Variants in CACNA1C observed in about 807,000 individuals in gnomAD.
The protein encoded by CACNA1C is voltage-dependent L-type calcium channel subunit alpha-1C.
In CACNA1C, 30 loss-of-function variants were observed where a neutral mutation model predicts 229.0. The ratio of observed to expected loss-of-function variants is 0.13; its 90% CI spans 0.10 to 0.18. CACNA1C has a LOEUF of 0.18. Ranked by LOEUF, CACNA1C falls within the 10% of genes least tolerant of loss-of-function variation. CACNA1C has a pLI of 1.00. For missense variants in CACNA1C, 1,658 were observed against 2,845.0 expected (o/e 0.58, Z 9.49); for synonymous variants, 1,114 against 1,132.5 (o/e 0.98, Z 0.33).
intron 4 of CACNA1C, among the ~76,000 whole-genome samples, chr12:2,453,821 G>A (rs2099399551): frequency 6.6e-6 from 1 of 152,206 alleles, no homozygotes; most frequent in African/African-American, 2.4e-5. Flanking sequence ...CTGCCCAGCA[G>A]CAGGACAAGA....
intron 29 of CACNA1C, among the ~76,000 whole-genome samples, chr12:2,631,779 G>A (rs986466991): frequency 6.6e-6 from 1 of 152,186 alleles, no homozygotes; most frequent in Non-Finnish European, 1.5e-5. Flanking sequence ...TCCAGTCTCC[G>A]GGGTGGCGTT....
intron 3 of CACNA1C, among the ~76,000 whole-genome samples, chr12:2,406,245 T>C (rs1053555050): frequency 2.0e-5 from 3 of 152,246 alleles, no homozygotes; most frequent in Non-Finnish European, 4.4e-5. Flanking sequence ...TGGATTTCTT[T>C]GGGCTTATCC....
At chr12:2,112,662 G>A (rs980673038) in intron 1 of CACNA1C, among the ~76,000 whole-genome samples, 1 of 152,138 alleles carries the variant, frequency 6.6e-6, no homozygotes, top group African/African-American at 2.4e-5. Flanking sequence ...CGGGACAGGA[G>A]GCAGCTGACC....
At chr12:2,186,174 G>T (rs953627336) in intron 3 of CACNA1C, among the ~76,000 whole-genome samples, 1 of 152,176 alleles carries the variant, frequency 6.6e-6, no homozygotes, top group African/African-American at 2.4e-5. Context: ...CAATTAGCGT[G>T]GGATGGTTGC....
chr12:2,313,030 T>C (rs1411309424), intron 3 of CACNA1C, among the ~76,000 whole-genome samples: 1 of 152,188 alleles, frequency 6.6e-6, no homozygotes, highest in Admixed American at 6.5e-5. Context: ...GAATTCTATA[T>C]AGCAGAACTT....
chr12:2,458,139 C>G (rs2099454730), intron 5 of CACNA1C, among the ~76,000 whole-genome samples: 1 of 152,210 alleles, frequency 6.6e-6, no homozygotes, highest in Non-Finnish European at 1.5e-5. Context: ...AGTGGATGTT[C>G]TAAAAGTTCT....
At chr12:2,069,213 G>T (rs961471614) in intron 1 of CACNA1C, among the ~76,000 whole-genome samples, 1 of 152,188 alleles carries the variant, frequency 6.6e-6, no homozygotes, top group Non-Finnish European at 1.5e-5. Flanking sequence ...CCTCAGACTG[G>T]TACAGCTAGC....
In CACNA1C at chr12:2,136,259, C is replaced by T. The variant is rs550028214; in HGVS notation, c.477+15829C>T. Among the ~76,000 whole-genome samples, 45 of 151,486 alleles carry T rather than the reference C, an allele frequency of 3.0e-4. 1 individual carries two copies. Among genetic ancestry groups the T allele is most frequent in the Non-Finnish European group, 5.6e-4 (38 of 67,638 alleles). On this transcript the variant is annotated intron_variant, in intron 3 of 46. Coordinates refer to ENST00000399655, the MANE Select transcript of CACNA1C (RefSeq NM_000719.7). Reference sequence around the variant, plus strand: ...AAATGCAGAAATCACCCGTCTTCTGCGTCGGTCACGCTGAGAGCTGTAGAC... The same window carrying T: ...AAATGCAGAAATCACCCGTCTTCTGTGTCGGTCACGCTGAGAGCTGTAGAC...
chr12:2,633,164 G>A lies in CACNA1C; in HGVS notation c.3829-1133G>A, dbSNP rs1378401202. ...CATTCCCAGCTTCACCCATAGGACC[G>A]AGCCCGCTACCCTCTGAGGGGTCAC... On this transcript the variant is annotated intron_variant, in intron 29 of 46. Coordinates refer to ENST00000399655, the MANE Select transcript of CACNA1C (RefSeq NM_000719.7). This position sits in a 1 kb window ranked among gnomAD's most constrained non-coding sequence, Gnocchi z 5.8. Among the ~76,000 whole-genome samples, 1 of 152,128 alleles carries A rather than the reference G, an allele frequency of 6.6e-6. No homozygotes were observed. The highest frequency in any genetic ancestry group is 1.5e-5 in the Non-Finnish European group (1 of 68,032).
intron 1 of CACNA1C, among the ~76,000 whole-genome samples, chr12:2,046,140 A>G (rs962160074): frequency 6.6e-6 from 1 of 152,194 alleles, no homozygotes. Context: ...GAGAGAATAA[A>G]TTGCTGTTGT....
In CACNA1C at chr12:2,675,452, T is replaced by C. The variant is rs563205043; in HGVS notation, c.4828+810T>C. ...TCAGTATATTAAATAAGTGTGTGTA[T>C]AAATAGCCCCCCACACATAAACACA... On this transcript the variant is annotated intron_variant, in intron 39 of 46. Transcript: ENST00000399655. Among the ~76,000 whole-genome samples the C allele has an allele frequency of 1.2e-4, 18 of 152,280 alleles. No homozygotes were observed. The South Asian group carries it at 3.7e-3, about 32-fold the overall frequency.
At chr12:2,494,359 A>C (rs1385041248) in intron 7 of CACNA1C, among the ~76,000 whole-genome samples, 1 of 152,032 alleles carries the variant, frequency 6.6e-6, no homozygotes, top group Non-Finnish European at 1.5e-5. Context: ...ATTAGGAAAA[A>C]CTCCAGAAAA....
At chr12:2,142,802 A>G (rs905884402) in intron 3 of CACNA1C, among the ~76,000 whole-genome samples, 2 of 151,306 alleles carry the variant, frequency 1.3e-5, no homozygotes, top group Non-Finnish European at 3.0e-5. Context: ...AAAAAAGCTT[A>G]TAGAATATGG....
Position 2,231,221 on chromosome 12 carries a change from A to G in CACNA1C, c.477+110791A>G, listed in dbSNP as rs571047291. Among the ~76,000 whole-genome samples, 221 of 152,332 alleles carry G rather than the reference A, an allele frequency of 1.5e-3. 2 individuals are homozygous for G. The highest frequency in any genetic ancestry group is 2.2e-3 in the African/African-American group (90 of 41,584). On this transcript the variant is annotated intron_variant, in intron 3 of 46. Transcript: ENST00000399655. Reference sequence around the variant, plus strand: ...CTGGAGACTCATGAGGCCAGAGTCCATGTGCAATCCATTTTTATATTCACC... The same window carrying G: ...CTGGAGACTCATGAGGCCAGAGTCCGTGTGCAATCCATTTTTATATTCACC...
At chr12:2,179,391 C>G (rs909692612) in intron 3 of CACNA1C, among the ~76,000 whole-genome samples, 1 of 152,126 alleles carries the variant, frequency 6.6e-6, no homozygotes, top group African/African-American at 2.4e-5. Flanking sequence ...AGTAAGTTGT[C>G]TAATGAAAGG....
chr12:2,222,904 T>C (rs1263056224), intron 3 of CACNA1C, among the ~76,000 whole-genome samples: 1 of 152,130 alleles, frequency 6.6e-6, no homozygotes, highest in African/African-American at 2.4e-5. Flanking sequence ...TGCAAAGGAG[T>C]TGAGCAGAGG....
intron 3 of CACNA1C, among the ~76,000 whole-genome samples, chr12:2,247,308 T>G (rs1320121187): frequency 6.6e-6 from 1 of 152,214 alleles, no homozygotes; most frequent in Non-Finnish European, 1.5e-5. Flanking sequence ...CTGCACCCTC[T>G]CTGCCCTGTC....
At chr12:2,480,166 C>T (rs536489084) in intron 5 of CACNA1C, among the ~76,000 whole-genome samples, 1 of 152,176 alleles carries the variant, frequency 6.6e-6, no homozygotes. Context: ...CCAGGGATTT[C>T]TTTGAGAGAC....
chr12:2,265,912 G>A (rs1256409046), intron 3 of CACNA1C, among the ~76,000 whole-genome samples: 3 of 152,212 alleles, frequency 2.0e-5, no homozygotes, highest in Admixed American at 6.5e-5. Flanking sequence ...AAAGGATCCT[G>A]TGTTATTTAT....
Sources: allele counts gnomAD v4.1 joint callset (sites outside exome capture counted in the v4.1 genomes callset), GRCh38; gene constraint gnomAD v4.1.1; non-coding constraint Gnocchi (gnomAD v3.1); transcripts MANE v1.5; gene names NCBI Gene and HGNC (gene_info 2026-07-23, HGNC 2026-07-21).